GPC6: variants seen among roughly 807,000 people sequenced by gnomAD.
GPC6 encodes glypican 6, also known as glypican-6.
In GPC6, 14 loss-of-function variants were observed where a neutral mutation model predicts 55.2. That is an observed-to-expected ratio of 0.25 (90% confidence interval 0.17 to 0.40). The LOEUF (loss-of-function observed/expected upper bound fraction) is 0.40. Among genes scored for constraint, GPC6 ranks in the 10% least tolerant of loss-of-function variants. GPC6 has a pLI of 1.00. For synonymous variants in GPC6, 278 were observed against 259.6 expected (o/e 1.07, Z -0.68); for missense variants, 641 against 708.5 (o/e 0.90, Z 1.08).
intron 2 of GPC6, among the ~76,000 whole-genome samples, chr13:93,620,614 TTAGCAGCTTAAATATTTGAAGCCGC>T (rs1400505964): frequency 6.6e-6 from 1 of 152,230 alleles, no homozygotes; most frequent in Non-Finnish European, 1.5e-5. Context: ...TGGTCTGATG[TTAGCAGCTTAAATATTTGAAGCCGC>T]TCTCTGGAAA....
intron 1 of GPC6, among the ~76,000 whole-genome samples, chr13:93,537,738 C>G (rs995981107): frequency 6.6e-6 from 1 of 152,086 alleles, no homozygotes; most frequent in African/African-American, 2.4e-5. Context: ...TATCTCCTAG[C>G]CTGTTACCAT....
chr13:93,461,442 A>G lies in GPC6; in HGVS notation c.161-83821A>G, dbSNP rs144410921. ...TTACAAGTAAAGTATTATTCTTTTA[A>G]AAGCTTAAATAATTTAGTTAAATAA... is the stretch of plus-strand genomic sequence containing the variant. On this transcript the variant is annotated intron_variant, in intron 1 of 8. Transcript: ENST00000377047. Among the ~76,000 whole-genome samples the G allele has an allele frequency of 4.9e-3, 742 of 152,286 alleles. 6 individuals carry two copies. Among genetic ancestry groups the G allele is most frequent in the Middle Eastern group, 0.01 (3 of 294 alleles).
intron 4 of GPC6, among the ~76,000 whole-genome samples, chr13:94,143,388 T>C (rs1231893195): frequency 6.6e-6 from 1 of 152,150 alleles, no homozygotes; most frequent in Non-Finnish European, 1.5e-5. Context: ...AGAGTATTTC[T>C]ATATAGGCAG....
intron 2 of GPC6, among the ~76,000 whole-genome samples, chr13:93,600,779 G>T (rs1019890003): frequency 6.6e-6 from 1 of 151,434 alleles, no homozygotes; most frequent in African/African-American, 2.4e-5. Flanking sequence ...GTGAAATCCT[G>T]TAGCTACTAA....
intron 6 of GPC6, among the ~76,000 whole-genome samples, chr13:94,380,060 G>A (rs1213081664): frequency 6.6e-6 from 1 of 152,188 alleles, no homozygotes; most frequent in African/African-American, 2.4e-5. Context: ...TGCACATACT[G>A]AAAGGAGACA....
At chr13:93,528,748 A>C (rs1026007096) in intron 1 of GPC6, among the ~76,000 whole-genome samples, 2 of 152,218 alleles carry the variant, frequency 1.3e-5, no homozygotes, top group Admixed American at 1.3e-4. Flanking sequence ...GTTAGCGATT[A>C]GCCTTTCTTT....
chr13:93,391,853 CT>C (rs1410212931), intron 1 of GPC6, among the ~76,000 whole-genome samples: 1 of 152,006 alleles, frequency 6.6e-6, no homozygotes, highest in African/African-American at 2.4e-5. Context: ...ATATATTTTG[CT>C]TTTTTCCTAT....
intron 2 of GPC6, among the ~76,000 whole-genome samples, chr13:93,738,851 T>C (rs1177471004): frequency 1.3e-5 from 2 of 152,158 alleles, no homozygotes; most frequent in African/African-American, 4.8e-5. Flanking sequence ...AGCAGTTCTC[T>C]AGTTCACATA....
intron 1 of GPC6, among the ~76,000 whole-genome samples, chr13:93,426,471 G>A (rs1039021487): frequency 2.1e-4 from 13 of 62,636 alleles, no homozygotes. Flanking sequence ...CCACCTATGA[G>A]TGAGAATATG....
At chr13:93,675,909 A>G (rs1049728784) in intron 2 of GPC6, among the ~76,000 whole-genome samples, 2 of 151,748 alleles carry the variant, frequency 1.3e-5, no homozygotes, top group Non-Finnish European at 2.9e-5. Flanking sequence ...ACTACTTTTT[A>G]TTACTATACA....
At chr13:93,389,421 G>A (rs555593768) in intron 1 of GPC6, among the ~76,000 whole-genome samples, 13 of 151,316 alleles carry the variant, frequency 8.6e-5, no homozygotes, top group Middle Eastern at 3.4e-3. Context: ...GGAGAATGGC[G>A]TGAACCCAAG....
chr13:93,382,582 A>C (rs1335828435), intron 1 of GPC6, among the ~76,000 whole-genome samples: 1 of 152,188 alleles, frequency 6.6e-6, no homozygotes, highest in East Asian at 1.9e-4. Context: ...GCTAAGGAAA[A>C]GGAAATATCT....
intron 2 of GPC6, among the ~76,000 whole-genome samples, chr13:93,603,288 T>C (rs988176425): frequency 6.6e-6 from 1 of 152,228 alleles, no homozygotes; most frequent in African/African-American, 2.4e-5. Context: ...ATTGCAGGCA[T>C]GAGCAACCAC....
At chr13:94,335,901 ATTTT>A (rs57333414) in intron 6 of GPC6, among the ~76,000 whole-genome samples, 36,096 of 146,978 alleles carry the variant, frequency 0.25, 4,646 homozygotes, top group East Asian at 0.45. Context: ...TGTTGTTGTG[ATTTT>A]TTTTTTTTTT....
At chr13:94,108,864 A>T (rs945417435) in intron 4 of GPC6, among the ~76,000 whole-genome samples, 3 of 151,990 alleles carry the variant, frequency 2.0e-5, no homozygotes, top group African/African-American at 7.2e-5. Context: ...CAAAAAAAAA[A>T]AGTTTTTTTA....
chr13:93,794,563 C>G (rs1435240535), intron 2 of GPC6, among the ~76,000 whole-genome samples: 1 of 152,174 alleles, frequency 6.6e-6, no homozygotes, highest in Non-Finnish European at 1.5e-5. Context: ...GTTTCCACTT[C>G]ATTCTGGGGG....
In GPC6 at chr13:93,959,164, T is replaced by C. The variant is rs78199083; in HGVS notation, c.712-68565T>C. On this transcript the variant is annotated intron_variant, in intron 3 of 8. Transcript: ENST00000377047. The stretch of plus-strand genomic sequence containing the variant: ...CTTTTTTTTCCTAGTTGTATGATTT[T>C]TTTTTTTTTTTCCCTTGAGGCTGAG... 3.5e-3 allele frequency among the ~76,000 whole-genome samples: 524 copies of C among 151,730 alleles called. 4 individuals are homozygous for C. Among genetic ancestry groups the C allele is most frequent in the African/African-American group, 0.012 (508 of 41,366 alleles).
rs560080537 is a variant in GPC6, at chr13:93,318,460, T to A, written c.160+90844T>A. Among the ~76,000 whole-genome samples, 12 of 152,200 alleles carry A rather than the reference T, an allele frequency of 7.9e-5. No individual in the cohort carries two copies. In the East Asian group the frequency reaches 2.3e-3, roughly 29 times the overall value. On this transcript the variant is annotated intron_variant, in intron 1 of 8. Transcript: ENST00000377047. ...AACATAGAAAAAAGAATATTGAGAC[T>A]CCAGTTCAACATGGTAACATGAGCA...
intron 2 of GPC6, among the ~76,000 whole-genome samples, chr13:93,563,895 T>C (rs976888805): frequency 5.3e-5 from 8 of 152,150 alleles, no homozygotes; most frequent in African/African-American, 1.9e-4. Context: ...TTTTTTTATT[T>C]CAATAGGTTT....
Sources: gnomAD v4.1 joint callset for allele counts (sites outside exome capture counted in the v4.1 genomes callset) on GRCh38, gnomAD v4.1.1 for gene constraint, MANE v1.5 for transcripts, NCBI Gene and HGNC (gene_info 2026-07-23, HGNC 2026-07-21) for gene names.